The following CNOT4 variants were observed in gnomAD, a reference collection of about 807,000 sequenced individuals.
The protein encoded by CNOT4 is CCR4-associated factor 4.
CNOT4 carries 8 observed loss-of-function variants against 73.8 expected under a neutral mutation model. The ratio of observed to expected loss-of-function variants is 0.11; its 90% CI spans 0.06 to 0.20. The LOEUF (loss-of-function observed/expected upper bound fraction) is 0.20. Ranked by LOEUF, CNOT4 falls within the 10% of genes least tolerant of loss-of-function variation. The pLI is 1.00. For synonymous variants in CNOT4, 293 were observed against 321.1 expected, an observed-to-expected ratio of 0.91 and a Z score of 0.94; for missense variants, 564 against 883.4, an observed-to-expected ratio of 0.64 and a Z score of 4.58.
rs542877810 is a variant in CNOT4, at chr7:135,445,445, T to C, written c.-92-7022A>G. ...ACATATACCAGGGAAATTTTAAAAT[T>C]AGGAAGTGCTGATATCTCACATTAT... On this transcript the variant is annotated intron_variant, in intron 1 of 11. Coordinates refer to ENST00000541284, the MANE Select transcript of CNOT4 (RefSeq NM_001190850.2). Among the ~76,000 whole-genome samples, 20 of 152,240 alleles carry C rather than the reference T, an allele frequency of 1.3e-4. No individual in the cohort carries two copies. In the South Asian group the frequency reaches 2.9e-3, roughly 22 times the overall value.
chr7:135,490,726 C>A (rs1215359498), intron 1 of CNOT4, among the ~76,000 whole-genome samples: 2 of 152,204 alleles, frequency 1.3e-5, no homozygotes, highest in African/African-American at 4.8e-5. Flanking sequence ...TTGGCTAGAA[C>A]AATCTCTAAT....
intron 1 of CNOT4, among the ~76,000 whole-genome samples, chr7:135,450,409 C>T (rs191695565): frequency 6.6e-6 from 1 of 152,170 alleles, no homozygotes; most frequent in East Asian, 1.9e-4. Context: ...ACCTTCGCCT[C>T]CTGGGTTCAA....
intron 2 of CNOT4, among the ~76,000 whole-genome samples, chr7:135,435,452 T>C (rs1356923087): frequency 6.6e-6 from 1 of 152,204 alleles, no homozygotes; most frequent in Non-Finnish European, 1.5e-5. Context: ...GCTCTTATAA[T>C]GTGTCCATTT....
intron 10 of CNOT4, among the ~76,000 whole-genome samples, chr7:135,371,567 T>C (rs377458321): frequency 1.3e-5 from 2 of 152,168 alleles, no homozygotes; most frequent in South Asian, 2.1e-4. Flanking sequence ...TTTCAAAATA[T>C]AAGTAGATGT....
intron 1 of CNOT4, among the ~76,000 whole-genome samples, chr7:135,483,485 T>C (rs114099296): frequency 1.4e-3 from 208 of 152,142 alleles, no homozygotes; most frequent in Middle Eastern, 3.4e-3. Flanking sequence ...AATCACATGA[T>C]CATATCATTG....
Position 135,363,168 on chromosome 7 carries a change from C to T in CNOT4, c.1859G>A (p.Gly620Glu), listed in dbSNP as rs758857647. Residue 620 changes from glycine to glutamate, a missense_variant, in exon 12 of 12, where the codon GGA becomes GAA. This residue lies in a region of CNOT4 where 53 missense variants were observed against 75.4 expected (regional missense o/e 0.70). Coordinates refer to ENST00000541284, the MANE Select transcript of CNOT4 (RefSeq NM_001190850.2). The surrounding 1 kb of genome is among the most constrained non-coding windows in gnomAD (Gnocchi z 4.3). ...ATCTTGAAGAGAGTCTAAACTGTTT[C>T]CTGAAGACGCTGGAATACCTAAGGA... ...AIITGIPASS[G>E]NSLDSLQDDN... The T allele has an allele frequency of 6.2e-7, 1 of 1,613,212 alleles. No homozygotes were observed. The highest frequency in any genetic ancestry group is 1.3e-5 in the African/African-American group (1 of 74,814).
Position 135,438,506 on chromosome 7 carries a change from T to C in CNOT4, c.-92-83A>G, listed in dbSNP as rs746250973. Reference sequence around the variant, plus strand: ...ATTAAGAGTCACACTGTCAAAAAATTTGAAAAATACTGACTGAGCAACTAC... The same window carrying C: ...ATTAAGAGTCACACTGTCAAAAAATCTGAAAAATACTGACTGAGCAACTAC... On this transcript the variant is annotated intron_variant, in intron 1 of 11. Coordinates refer to ENST00000541284, the MANE Select transcript of CNOT4 (RefSeq NM_001190850.2). 9.0e-5 allele frequency: 39 copies of C among 433,822 alleles called. No individual in the cohort carries two copies. The South Asian group carries it at 2.8e-3, about 32-fold the overall frequency. 26.9% of individuals were successfully genotyped at this position (433,822 alleles called of 1,614,324 possible).
chr7:135,400,874 T>C (rs1243157700), intron 7 of CNOT4, among the ~76,000 whole-genome samples: 1 of 151,978 alleles, frequency 6.6e-6, no homozygotes, highest in Non-Finnish European at 1.5e-5. Flanking sequence ...CAATAACAAA[T>C]TAAAGGAATA....
Position 135,394,279 on chromosome 7 carries a change from T to C in CNOT4, c.1266A>G (p.Glu422=). The C allele has an allele frequency of 1.2e-6, 2 of 1,614,190 alleles. No individual in the cohort carries two copies. Among genetic ancestry groups the C allele is most frequent in the South Asian group, 1.1e-5 (1 of 91,082 alleles). ...RKALADLIEK[E]LSVQDQPSLS... is the part of the protein sequence containing the mutation. ...GGGAAGGTTGGTCTTGAACGGACAG[T>C]TCCTTCTCAATCAGGTCTGCTAAGG... The change falls in exon 10 of 12, where the codon GAA becomes GAG. Residue 422 remains glutamate, a synonymous_variant. Coordinates refer to ENST00000541284, the MANE Select transcript of CNOT4 (RefSeq NM_001190850.2).
At chr7:135,380,696 C>T (rs1010137966) in intron 10 of CNOT4, among the ~76,000 whole-genome samples, 2 of 152,140 alleles carry the variant, frequency 1.3e-5, no homozygotes, top group Non-Finnish European at 2.9e-5. Context: ...AAGTTTTTTC[C>T]TCCACTGAGT....
intron 7 of CNOT4, 21 bp downstream of exon 7, chr7:135,410,490 TCTGA>T (rs751153315): frequency 5.7e-6 from 8 of 1,407,530 alleles, no homozygotes; most frequent in Non-Finnish European, 6.7e-6. Flanking sequence ...AGGTAAGATG[TCTGA>T]CTATCAATAT....
chr7:135,505,828 G>T (rs1366981744), intron 1 of CNOT4, among the ~76,000 whole-genome samples: 1 of 152,038 alleles, frequency 6.6e-6, no homozygotes, highest in African/African-American at 2.4e-5. Flanking sequence ...TCATAAAAAA[G>T]AAATGTGTCA....
intron 1 of CNOT4, chr7:135,444,727 G>C: frequency 7.5e-7 from 1 of 1,337,946 alleles, no homozygotes; most frequent in Non-Finnish European, 1.1e-6. Flanking sequence ...TCTGCGATGG[G>C]CTATTCCCTG....
intron 1 of CNOT4, among the ~76,000 whole-genome samples, chr7:135,443,817 GT>G (rs947645280): frequency 3.3e-5 from 5 of 152,126 alleles, no homozygotes; most frequent in Non-Finnish European, 7.4e-5. Flanking sequence ...TGTATACATG[GT>G]TTTGTGTTTA....
chr7:135,457,455 T>C (rs1349718281), intron 1 of CNOT4, among the ~76,000 whole-genome samples: 10 of 152,084 alleles, frequency 6.6e-5, no homozygotes, highest in South Asian at 4.2e-4. Context: ...GTATCTCGCA[T>C]TGTAAGGGAT....
chr7:135,458,913 C>T (rs1450639395), intron 1 of CNOT4, among the ~76,000 whole-genome samples: 1 of 152,034 alleles, frequency 6.6e-6, no homozygotes, highest in Non-Finnish European at 1.5e-5. Flanking sequence ...ATTTTGACCT[C>T]CTCCCATCAA....
chr7:135,413,682 T>C lies in CNOT4; in HGVS notation c.562-69A>G, dbSNP rs1001632284. The C allele has an allele frequency of 1.2e-4, 173 of 1,495,890 alleles. 1 individual carries two copies. The highest frequency in any genetic ancestry group is 1.8e-4 in the Middle Eastern group (1 of 5,620). The allele number at this position is 1,495,890 out of a possible 1,614,324, so 92.7% of individuals were successfully genotyped here. On this transcript the variant is annotated intron_variant, in intron 5 of 11. Coordinates refer to ENST00000541284, the MANE Select transcript of CNOT4 (RefSeq NM_001190850.2). ...ACTGACAACACAATGAGAATCTCCA[T>C]GTTTAGTGTTTTCAAGTCACCTAAA...
chr7:135,370,504 C>T (rs1438107574), intron 10 of CNOT4, among the ~76,000 whole-genome samples: 1 of 152,178 alleles, frequency 6.6e-6, no homozygotes, highest in Non-Finnish European at 1.5e-5. Flanking sequence ...CTGAACCATT[C>T]ATCTGGCAGC....
At chr7:135,398,317 C>T (rs1796814340) in intron 7 of CNOT4, 91 bp from the exon 8 acceptor site, 2 of 691,904 alleles carry the variant, frequency 2.9e-6, no homozygotes, top group Non-Finnish European at 5.1e-6. Context: ...AAAACAGACA[C>T]TTTACCATCT....
Sources: allele counts gnomAD v4.1 joint callset (sites outside exome capture counted in the v4.1 genomes callset), GRCh38; gene constraint gnomAD v4.1.1; regional missense constraint gnomAD v4.1.1; non-coding constraint Gnocchi (gnomAD v3.1); transcripts MANE v1.5; gene names NCBI Gene and HGNC (gene_info 2026-07-23, HGNC 2026-07-21).